ABCC1: variants seen among roughly 807,000 people sequenced by gnomAD.
The protein encoded by ABCC1 is ATP binding cassette subfamily C member 1 (ABCC1 blood group).
In ABCC1, 83 loss-of-function variants were observed where a neutral mutation model predicts 172.9. The observed-to-expected ratio is 0.48, with a 90% CI of 0.40 to 0.58. The LOEUF is 0.58. Among genes scored for constraint, ABCC1 ranks in the 20% least tolerant of loss-of-function variants. ABCC1 has a pLI of 0.00. For missense variants in ABCC1, 1,817 were observed against 2,002.7 expected, an observed-to-expected ratio of 0.91 and a Z score of 1.77; for synonymous variants, 937 against 825.2, an observed-to-expected ratio of 1.14 and a Z score of -2.32.
chr16:16,117,714 T>A (rs978644014), intron 23 of ABCC1, among the ~76,000 whole-genome samples: 5 of 152,206 alleles, frequency 3.3e-5, no homozygotes, highest in Non-Finnish European at 5.9e-5. Flanking sequence ...GAGAGCAGCC[T>A]GACCAATATG....
chr16:15,949,876 G>T (rs2045824914), intron 1 of ABCC1, 77 bp downstream of exon 1: 1 of 1,132,308 alleles, frequency 8.8e-7, no homozygotes, highest in Non-Finnish European at 1.1e-6. Context: ...GCCCGCAGCC[G>T]CCCGGGGCAC....
At chr16:16,104,249 A>T (rs2051950827) in intron 20 of ABCC1, among the ~76,000 whole-genome samples, 1 of 152,146 alleles carries the variant, frequency 6.6e-6, no homozygotes, top group Non-Finnish European at 1.5e-5. Flanking sequence ...TGGCTCTGGC[A>T]GCCAGCTTTT....
chr16:16,034,437 G>A (rs556268707), intron 6 of ABCC1, among the ~76,000 whole-genome samples: 5 of 152,110 alleles, frequency 3.3e-5, no homozygotes, highest in Non-Finnish European at 7.4e-5. Flanking sequence ...ATTTGTTCAT[G>A]ACTACAGGAC....
chr16:16,059,402 T>C (rs1402196826), intron 12 of ABCC1, among the ~76,000 whole-genome samples: 1 of 152,192 alleles, frequency 6.6e-6, no homozygotes, highest in Admixed American at 6.5e-5. Context: ...TGGAAATCGA[T>C]GGGTGTGGCT....
At chr16:16,049,969 C>T (rs2049360567) in intron 10 of ABCC1, among the ~76,000 whole-genome samples, 1 of 152,132 alleles carries the variant, frequency 6.6e-6, no homozygotes. Context: ...GTTGGAATTA[C>T]AGGCGTGAGC....
At chr16:16,085,583 C>T (rs967780644) in intron 17 of ABCC1, among the ~76,000 whole-genome samples, 38 of 152,202 alleles carry the variant, frequency 2.5e-4, no homozygotes, top group African/African-American at 8.7e-4. Context: ...AGTTCGAGAC[C>T]AGCCTGGGCA....
intron 26 of ABCC1, among the ~76,000 whole-genome samples, chr16:16,130,815 C>G (rs1224492810): frequency 6.6e-6 from 1 of 152,208 alleles, no homozygotes; most frequent in Non-Finnish European, 1.5e-5. Context: ...GTTTACCTAT[C>G]ATGTTCATAT....
intron 1 of ABCC1, among the ~76,000 whole-genome samples, chr16:15,952,699 A>G (rs2045900664): frequency 8.7e-6 from 1 of 114,538 alleles, no homozygotes; most frequent in Admixed American, 1.1e-4. Flanking sequence ...TGGGCCTGGG[A>G]CTTTTTGTGA....
In ABCC1 at chr16:15,991,889, G is replaced by A. The variant is rs1028103193; in HGVS notation, c.49-15927G>A. Among the ~76,000 whole-genome samples, 30 of 152,058 alleles carry A rather than the reference G, an allele frequency of 2.0e-4. 1 individual carries two copies. The highest frequency in any genetic ancestry group is 5.3e-4 in the African/African-American group (22 of 41,486). On this transcript the variant is annotated intron_variant, in intron 1 of 30. Transcript: ENST00000399410. ...CTTCTCCTAGGGTCTCTTAATACAG[G>A]GGTCCCCAATCCCCAGAGCACGGAC...
At chr16:16,016,450 A>C (rs1412012713) in intron 4 of ABCC1, 46 bp from the exon 5 acceptor site, 1 of 1,610,082 alleles carries the variant, frequency 6.2e-7, no homozygotes, top group African/African-American at 1.3e-5. Flanking sequence ...CACCACACCC[A>C]GCCCCAGAAT....
At chr16:15,974,842 G>A (rs1403122579) in intron 1 of ABCC1, among the ~76,000 whole-genome samples, 3 of 152,084 alleles carry the variant, frequency 2.0e-5, no homozygotes, top group Non-Finnish European at 2.9e-5. Flanking sequence ...GCTGGACTGC[G>A]GTGGCATGAT....
intron 5 of ABCC1, among the ~76,000 whole-genome samples, chr16:16,024,239 G>T (rs1405652734): frequency 1.3e-5 from 2 of 151,848 alleles, no homozygotes; most frequent in Non-Finnish European, 2.9e-5. Context: ...AAGAAAAAAA[G>T]AATTCTGCTT....
chr16:15,959,577 C>T (rs374289154), intron 1 of ABCC1, among the ~76,000 whole-genome samples: 11 of 152,192 alleles, frequency 7.2e-5, no homozygotes, highest in South Asian at 6.2e-4. Context: ...CCTCCTGCCT[C>T]GGCCTCCCAA....
In ABCC1 at chr16:15,983,294, A is replaced by G. The variant is rs545628972; in HGVS notation, c.49-24522A>G. 5.3e-5 allele frequency among the ~76,000 whole-genome samples: 8 copies of G among 152,254 alleles called. No homozygotes were observed. The East Asian group carries it at 1.5e-3, about 29-fold the overall frequency. Reference sequence around the variant, plus strand: ...CCTGAGTCATGAAGGGGTCCCTGGAACAGTGAGTTGGGGCTGAACCCACAA... The same window carrying G: ...CCTGAGTCATGAAGGGGTCCCTGGAGCAGTGAGTTGGGGCTGAACCCACAA... On this transcript the variant is annotated intron_variant, in intron 1 of 30. Transcript: ENST00000399410.
At chr16:16,117,298 G>A (rs961092435) in intron 23 of ABCC1, among the ~76,000 whole-genome samples, 2 of 152,136 alleles carry the variant, frequency 1.3e-5, no homozygotes, top group Admixed American at 1.3e-4. Flanking sequence ...CGAAGTCGGG[G>A]AGCCCCCTTA....
intron 14 of ABCC1, among the ~76,000 whole-genome samples, chr16:16,074,701 T>A (rs1404220871): frequency 6.6e-6 from 1 of 152,198 alleles, no homozygotes; most frequent in Non-Finnish European, 1.5e-5. Flanking sequence ...CAGTGGCTTT[T>A]CTTAAATTCC....
intron 1 of ABCC1, among the ~76,000 whole-genome samples, chr16:15,994,112 T>C (rs2046969347): frequency 1.3e-5 from 2 of 152,058 alleles, no homozygotes; most frequent in Admixed American, 6.6e-5. Flanking sequence ...CCCAGCTACT[T>C]GGGAGGCTGA....
intron 19 of ABCC1, among the ~76,000 whole-genome samples, chr16:16,101,487 T>C (rs2051745945): frequency 6.6e-6 from 1 of 152,134 alleles, no homozygotes; most frequent in South Asian, 2.1e-4. Flanking sequence ...TTCTGCAAGA[T>C]TTTGCATTTT....
At chr16:16,096,210 CAG>C (rs2051471605) in intron 19 of ABCC1, among the ~76,000 whole-genome samples, 1 of 149,362 alleles carries the variant, frequency 6.7e-6, no homozygotes, top group South Asian at 2.1e-4. Flanking sequence ...GCCTGGGTAA[CAG>C]AGCGAGACTG....
Sources: allele counts gnomAD v4.1 joint callset (sites outside exome capture counted in the v4.1 genomes callset), GRCh38; gene constraint gnomAD v4.1.1; transcripts MANE v1.5; gene names NCBI Gene and HGNC (gene_info 2026-07-23, HGNC 2026-07-21).